Variants in ETV6 observed in about 807,000 individuals in gnomAD.
ETV6 encodes transcription factor ETV6.
ETV6 carries 16 observed loss-of-function variants against 51.1 expected under a neutral mutation model. The observed-to-expected ratio is 0.31, with a 90% CI of 0.21 to 0.48. ETV6 has a LOEUF of 0.48. Ranked by LOEUF, ETV6 falls within the 20% of genes least tolerant of loss-of-function variation. The pLI is 0.99. For synonymous variants in ETV6, 240 were observed against 224.1 expected (o/e 1.07, Z -0.64); for missense variants, 458 against 594.8 (o/e 0.77, Z 2.39).
intron 2 of ETV6, among the ~76,000 whole-genome samples, chr12:11,761,226 TC>T (rs1293987250): frequency 1.3e-5 from 2 of 152,162 alleles, no homozygotes; most frequent in East Asian, 3.9e-4. Context: ...GATTTTTTTT[TC>T]CAATTTTTAA....
intron 1 of ETV6, among the ~76,000 whole-genome samples, chr12:11,725,547 C>T (rs1865472535): frequency 1.3e-5 from 2 of 152,134 alleles, no homozygotes; most frequent in African/African-American, 4.8e-5. Flanking sequence ...TTTACATGTA[C>T]ACTCATCTGT....
chr12:11,796,029 C>T (rs1004578828), intron 2 of ETV6, among the ~76,000 whole-genome samples: 12 of 152,184 alleles, frequency 7.9e-5, no homozygotes, highest in African/African-American at 2.7e-4. Context: ...GTGGTCACAG[C>T]AAATCCATTC....
intron 1 of ETV6, chr12:11,750,792 C>A: frequency 2.8e-6 from 1 of 361,496 alleles, no homozygotes; most frequent in Non-Finnish European, 5.0e-6. Flanking sequence ...TATGTGTGGG[C>A]TTTTTTTTTT....
chr12:11,869,598 C>G lies in ETV6; in HGVS notation c.638C>G (p.Ser213Cys). The change falls in exon 5 of 8, where the codon TCC becomes TGC. Residue 213 changes from serine to cysteine, a missense_variant. Coordinates refer to ENST00000396373, the MANE Select transcript of ETV6 (RefSeq NM_001987.5). The surrounding 1 kb of genome is among the most constrained non-coding windows in gnomAD (Gnocchi z 5.0). ...SPLDNMIRRL[S>C]PAERAQGPRP... ...CTGGACAACATGATCCGCCGCCTCT[C>G]CCCGGCTGAGAGAGCTCAGGGACCC... 1 of 1,614,180 alleles carries G rather than the reference C, an allele frequency of 6.2e-7. No individual in the cohort carries two copies. Among genetic ancestry groups the G allele is most frequent in the Non-Finnish European group, 8.5e-7 (1 of 1,180,032 alleles).
chr12:11,650,232 C>T (rs1041828579), intron 1 of ETV6, 72 bp downstream of exon 1: 33 of 1,315,904 alleles, frequency 2.5e-5, no homozygotes, highest in Middle Eastern at 3.9e-4. Flanking sequence ...TCGTGCTGGG[C>T]TCCTCAGAGC....
chr12:11,701,224 G>A (rs759134507), intron 1 of ETV6, among the ~76,000 whole-genome samples: 4 of 151,944 alleles, frequency 2.6e-5, no homozygotes, highest in Admixed American at 6.6e-5. Flanking sequence ...AACCATCAGC[G>A]CTCTCCAGAA....
intron 3 of ETV6, among the ~76,000 whole-genome samples, chr12:11,847,407 T>G (rs550569217): frequency 6.6e-6 from 1 of 152,308 alleles, no homozygotes; most frequent in African/African-American, 2.4e-5. Context: ...TGGAGTAGAT[T>G]TAGCATAGAC....
intron 1 of ETV6, among the ~76,000 whole-genome samples, chr12:11,663,541 G>GC (rs1864139144): frequency 6.6e-6 from 1 of 152,184 alleles, no homozygotes; most frequent in South Asian, 2.1e-4. Context: ...ACAAAATCCA[G>GC]CCTTGTTGTG....
At chr12:11,758,728 C>T (rs1441469589) in intron 2 of ETV6, among the ~76,000 whole-genome samples, 2 of 152,230 alleles carry the variant, frequency 1.3e-5, no homozygotes, top group Non-Finnish European at 2.9e-5. Context: ...AATGGCCTCT[C>T]CTCACAGCTG....
At chr12:11,855,795 CAG>C (rs1946625585) in intron 4 of ETV6, among the ~76,000 whole-genome samples, 1 of 152,158 alleles carries the variant, frequency 6.6e-6, no homozygotes, top group Non-Finnish European at 1.5e-5. Context: ...CTAAATTTAG[CAG>C]CTGCCCTCCT....
At chr12:11,753,323 G>C (rs1256777157) in intron 2 of ETV6, among the ~76,000 whole-genome samples, 1 of 152,208 alleles carries the variant, frequency 6.6e-6, no homozygotes, top group Non-Finnish European at 1.5e-5. Flanking sequence ...GACACCTGCT[G>C]TGTCCTTTTT....
At chr12:11,828,417 G>C (rs991267144) in intron 2 of ETV6, among the ~76,000 whole-genome samples, 1 of 152,194 alleles carries the variant, frequency 6.6e-6, no homozygotes, top group Non-Finnish European at 1.5e-5. Context: ...CCACTTCTAA[G>C]TGAGAAGAGG....
chr12:11,859,951 T>C (rs889397231), intron 4 of ETV6, among the ~76,000 whole-genome samples: 1 of 152,198 alleles, frequency 6.6e-6, no homozygotes, highest in African/African-American at 2.4e-5. Context: ...TAAAAACTCA[T>C]GCTGAGTTGG....
intron 2 of ETV6, among the ~76,000 whole-genome samples, chr12:11,838,841 A>G (rs920636658): frequency 4.6e-5 from 7 of 152,188 alleles, no homozygotes; most frequent in African/African-American, 1.7e-4. Context: ...AAACACATAA[A>G]AGATCTTTTT....
At chr12:11,838,138 A>G (rs1946342014) in intron 2 of ETV6, among the ~76,000 whole-genome samples, 1 of 152,202 alleles carries the variant, frequency 6.6e-6, no homozygotes, top group Non-Finnish European at 1.5e-5. Context: ...TTCTGCATTC[A>G]ATCTGTTGCA....
In ETV6 at chr12:11,714,652, A is replaced by G. The variant is rs868456111; in HGVS notation, c.34-37798A>G. Among the ~76,000 whole-genome samples the G allele has an allele frequency of 3.8e-3, 517 of 135,342 alleles. 7 individuals are homozygous for G. Among genetic ancestry groups the G allele is most frequent in the South Asian group, 0.022 (96 of 4,352 alleles). 88.8% of individuals were successfully genotyped at this position (135,342 alleles called of 152,430 possible). ...GTAAGTAATCATACCTTGAGGTGAA[A>G]AAAAAAAAAAAAAAAAAAAAGATCT... is the stretch of plus-strand genomic sequence containing the variant. On this transcript the variant is annotated intron_variant, in intron 1 of 7. Transcript: ENST00000396373.
intron 5 of ETV6, among the ~76,000 whole-genome samples, chr12:11,874,304 A>G (rs1032454874): frequency 2.0e-5 from 3 of 151,350 alleles, no homozygotes; most frequent in Admixed American, 6.6e-5. Context: ...TTGAACCTGG[A>G]AGGTGGAGGT....
intron 3 of ETV6, among the ~76,000 whole-genome samples, chr12:11,851,552 T>A (rs1226827489): frequency 6.6e-6 from 1 of 152,222 alleles, no homozygotes; most frequent in Non-Finnish European, 1.5e-5. Context: ...AGCTCTCAAA[T>A]GCAGTCATGT....
At chr12:11,771,562 C>T (rs915408721) in intron 2 of ETV6, among the ~76,000 whole-genome samples, 7 of 152,068 alleles carry the variant, frequency 4.6e-5, no homozygotes, top group African/African-American at 9.7e-5. Context: ...TCCATGGTAA[C>T]GGATCAACAT....
Sources: allele counts gnomAD v4.1 joint callset (sites outside exome capture counted in the v4.1 genomes callset), GRCh38; gene constraint gnomAD v4.1.1; non-coding constraint Gnocchi (gnomAD v3.1); transcripts MANE v1.5; gene names NCBI Gene and HGNC (gene_info 2026-07-23, HGNC 2026-07-21).